Variants in PABPC4L observed in about 807,000 individuals in gnomAD.
PABPC4L encodes polyadenylate-binding protein 4-like.
For missense variants in PABPC4L, 452 were observed against 451.4 expected (o/e 1.00, Z -0.01); for synonymous variants, 169 against 164.1 (o/e 1.03, Z -0.23).
the PABPC4L span, among the ~76,000 whole-genome samples, chr4:134,100,294 C>T: frequency 2.0e-5 from 3 of 151,722 alleles, no homozygotes; most frequent in South Asian, 4.2e-4. Context: ...GAAGCTGCAC[C>T]TTTTTTGTAA....
At chr4:134,073,757 G>T in the PABPC4L span, among the ~76,000 whole-genome samples, 7 of 152,144 alleles carry the variant, frequency 4.6e-5, no homozygotes, top group African/African-American at 1.7e-4. Flanking sequence ...CTTCACTTCT[G>T]TGAGCCCTCT....
the PABPC4L span, among the ~76,000 whole-genome samples, chr4:134,070,955 C>T: frequency 6.6e-6 from 1 of 152,246 alleles, no homozygotes; most frequent in Middle Eastern, 3.4e-3. Flanking sequence ...AGGAGCATGG[C>T]GAGCCTTGGG....
the PABPC4L span, among the ~76,000 whole-genome samples, chr4:133,990,734 A>ACC: frequency 4.0e-5 from 6 of 151,650 alleles, no homozygotes; most frequent in African/African-American, 1.5e-4. Flanking sequence ...AACATTGCCG[A>ACC]CCCCCCCAGT....
At chr4:134,174,412 C>T in the PABPC4L span, among the ~76,000 whole-genome samples, 1 of 152,056 alleles carries the variant, frequency 6.6e-6, no homozygotes, top group Non-Finnish European at 1.5e-5. Flanking sequence ...ATGTGCTATA[C>T]TTTTACACCA....
the PABPC4L span, among the ~76,000 whole-genome samples, chr4:134,070,041 T>C: frequency 2.7e-5 from 4 of 150,736 alleles, no homozygotes; most frequent in Non-Finnish European, 5.9e-5. Flanking sequence ...GGGGGTTTGA[T>C]TTTTGCATAA....
chr4:134,078,967 CTTTT>C, the PABPC4L span, among the ~76,000 whole-genome samples: 1,037 of 63,836 alleles, frequency 0.016, 14 homozygotes, highest in African/African-American at 0.061. Flanking sequence ...CGTGCCCGGG[CTTTT>C]TTTTTTTTTT....
the PABPC4L span, among the ~76,000 whole-genome samples, chr4:134,068,231 ATAGT>A: frequency 6.6e-6 from 1 of 152,204 alleles, no homozygotes; most frequent in Non-Finnish European, 1.5e-5. Context: ...ATATATTAAC[ATAGT>A]TAGGTCTTTT....
chr4:134,154,873 A>T, the PABPC4L span, among the ~76,000 whole-genome samples: 1 of 152,062 alleles, frequency 6.6e-6, no homozygotes, highest in Non-Finnish European at 1.5e-5. Flanking sequence ...TAATTTGAAA[A>T]AGAAGTTGGT....
the PABPC4L span, among the ~76,000 whole-genome samples, chr4:133,996,192 G>A: frequency 1.1e-3 from 167 of 152,202 alleles, 1 homozygote; most frequent in African/African-American, 3.9e-3. Flanking sequence ...AGAAGGTGAC[G>A]GTTCCTCCTC....
chr4:134,074,543 C>T, the PABPC4L span, among the ~76,000 whole-genome samples: 2 of 152,132 alleles, frequency 1.3e-5, no homozygotes, highest in East Asian at 1.9e-4. Flanking sequence ...TACCCAGTTC[C>T]AAAGTCGCTT....
the PABPC4L span, among the ~76,000 whole-genome samples, chr4:134,027,858 A>G: frequency 1.3e-5 from 2 of 152,154 alleles, no homozygotes; most frequent in Non-Finnish European, 2.9e-5. Context: ...CTCTAGGTCC[A>G]TTTGCCAAAT....
the PABPC4L span, among the ~76,000 whole-genome samples, chr4:134,124,265 T>C: frequency 6.6e-6 from 1 of 152,040 alleles, no homozygotes; most frequent in Non-Finnish European, 1.5e-5. Flanking sequence ...AATGCAATTC[T>C]CTGCAAGCCT....
chr4:134,105,594 C>G, the PABPC4L span, among the ~76,000 whole-genome samples: 1 of 151,478 alleles, frequency 6.6e-6, no homozygotes, highest in Non-Finnish European at 1.5e-5. Context: ...AAATATTTAT[C>G]TAAGTTTTCT....
At chr4:134,043,530 T>C in the PABPC4L span, among the ~76,000 whole-genome samples, 2 of 152,080 alleles carry the variant, frequency 1.3e-5, no homozygotes, top group African/African-American at 4.8e-5. Flanking sequence ...AACACAATTA[T>C]ATTATTGCAC....
At chr4:134,017,301 G>A in the PABPC4L span, among the ~76,000 whole-genome samples, 1 of 152,108 alleles carries the variant, frequency 6.6e-6, no homozygotes, top group Non-Finnish European at 1.5e-5. Context: ...TCCTCGGAAT[G>A]CTACAGGGTA....
the PABPC4L span, among the ~76,000 whole-genome samples, chr4:133,956,283 A>C: frequency 2.0e-5 from 3 of 152,200 alleles, no homozygotes; most frequent in African/African-American, 7.2e-5. Flanking sequence ...GAGTCACTTT[A>C]TTTTCTCTTA....
the PABPC4L span, among the ~76,000 whole-genome samples, chr4:134,051,968 T>G: frequency 6.6e-6 from 1 of 152,100 alleles, no homozygotes; most frequent in East Asian, 1.9e-4. Flanking sequence ...TCTTTTTATG[T>G]ACATTATTTT....
the PABPC4L span, among the ~76,000 whole-genome samples, chr4:133,979,622 T>A: frequency 6.6e-6 from 1 of 152,242 alleles, no homozygotes; most frequent in East Asian, 1.9e-4. Context: ...AAATTATCAC[T>A]TTAAGCATAC....
At chr4:134,174,130 C>T in the PABPC4L span, among the ~76,000 whole-genome samples, 1 of 151,362 alleles carries the variant, frequency 6.6e-6, no homozygotes, top group East Asian at 1.9e-4. Flanking sequence ...ACACATTTTC[C>T]TAGGCCTACA....
Sources: gnomAD v4.1 joint callset for allele counts (sites outside exome capture counted in the v4.1 genomes callset) on GRCh38, gnomAD v4.1.1 for gene constraint, MANE v1.5 for transcripts, NCBI Gene and HGNC (gene_info 2026-07-23, HGNC 2026-07-21) for gene names.